The following MALRD1 variants were observed in gnomAD, a reference collection of about 807,000 sequenced individuals.
MALRD1 encodes the protein MAM and LDL-receptor class A domain-containing protein 1.
Under a neutral mutation model 242.1 loss-of-function variants are expected in MALRD1, and 247 were observed. The observed-to-expected ratio is 1.02, with a 90% confidence interval of 0.92 to 1.13. The LOEUF is 1.13. Ranked by LOEUF, MALRD1 falls within the 50% of genes most tolerant of loss-of-function variation. The pLI is 0.00. For synonymous variants in MALRD1, 995 were observed against 866.6 expected (o/e 1.15, Z -2.60); for missense variants, 2,989 against 2,533.1 (o/e 1.18, Z -3.86).
Position 19,284,068 on chromosome 10 carries a change from C to G in MALRD1, c.3419+887C>G, listed in dbSNP as rs75389728. Among the ~76,000 whole-genome samples, 90 of 152,256 alleles carry G rather than the reference C, an allele frequency of 5.9e-4. 1 individual carries two copies. In the East Asian group the frequency reaches 0.017, roughly 29 times the overall value. On this transcript the variant is annotated intron_variant, in intron 21 of 39. Transcript: ENST00000454679. ...GGAACACAAAGGGAAAGGCCCTGAG[C>G]CAGGACCATACAGGAAGACCAGCAT... is the stretch of plus-strand genomic sequence containing the variant.
chr10:19,678,475 ATTG>A (rs1314001359), intron 36 of MALRD1, among the ~76,000 whole-genome samples: 1 of 151,864 alleles, frequency 6.6e-6, no homozygotes, highest in Admixed American at 6.6e-5. Flanking sequence ...CTGCTCGTAT[ATTG>A]TTGTTGTATA....
At chr10:19,062,173 C>A (rs1834842082) in intron 1 of MALRD1, among the ~76,000 whole-genome samples, 2 of 152,080 alleles carry the variant, frequency 1.3e-5, no homozygotes, top group South Asian at 4.2e-4. Flanking sequence ...AAAAAATACT[C>A]AACATTGTTC....
intron 1 of MALRD1, among the ~76,000 whole-genome samples, chr10:19,054,640 A>G (rs760435108): frequency 2.2e-4 from 33 of 152,088 alleles, no homozygotes; most frequent in Non-Finnish European, 4.6e-4. Flanking sequence ...TTCCACATGT[A>G]GTGAGATTGT....
intron 35 of MALRD1, 146 bp downstream of exon 35, chr10:19,608,048 G>T: frequency 7.1e-6 from 8 of 1,122,524 alleles, no homozygotes; most frequent in Non-Finnish European, 9.8e-6. Flanking sequence ...CAGAAAGAAT[G>T]TTGACATTAA....
intron 26 of MALRD1, among the ~76,000 whole-genome samples, chr10:19,362,731 C>A (rs1164850087): frequency 6.6e-6 from 1 of 152,064 alleles, no homozygotes; most frequent in Admixed American, 6.6e-5. Context: ...GTGATGGGAT[C>A]TGACTTATAT....
chr10:19,419,240 C>T (rs1312727275), intron 28 of MALRD1, among the ~76,000 whole-genome samples: 2 of 151,974 alleles, frequency 1.3e-5, no homozygotes, highest in Non-Finnish European at 2.9e-5. Flanking sequence ...TCCTTATTCT[C>T]ATTCTCCTTC....
intron 18 of MALRD1, among the ~76,000 whole-genome samples, chr10:19,256,543 T>C (rs1839521543): frequency 6.6e-6 from 1 of 152,086 alleles, no homozygotes; most frequent in Admixed American, 6.6e-5. Flanking sequence ...CACCATTAAA[T>C]GTTGTTCAAA....
At chr10:19,168,852 A>C (rs1834805271) in intron 13 of MALRD1, among the ~76,000 whole-genome samples, 1 of 152,082 alleles carries the variant, frequency 6.6e-6, no homozygotes, top group South Asian at 2.1e-4. Flanking sequence ...CCTCGGTCAC[A>C]TTGAATTCAC....
At chr10:19,510,405 T>C (rs1338598892) in intron 31 of MALRD1, among the ~76,000 whole-genome samples, 1 of 152,200 alleles carries the variant, frequency 6.6e-6, no homozygotes, top group Non-Finnish European at 1.5e-5. Flanking sequence ...TATTTCAGAC[T>C]ATCACATGGG....
intron 33 of MALRD1, among the ~76,000 whole-genome samples, chr10:19,594,460 A>G (rs779319152): frequency 1.3e-5 from 2 of 152,174 alleles, no homozygotes; most frequent in African/African-American, 4.8e-5. Flanking sequence ...TTGAACTACC[A>G]TTTGATTCAG....
intron 28 of MALRD1, among the ~76,000 whole-genome samples, chr10:19,434,035 A>G (rs1194657849): frequency 6.6e-6 from 1 of 152,180 alleles, no homozygotes; most frequent in Non-Finnish European, 1.5e-5. Flanking sequence ...CTGGTATGGT[A>G]AAAACGAAAA....
intron 28 of MALRD1, among the ~76,000 whole-genome samples, chr10:19,402,183 C>G (rs1846885861): frequency 6.6e-6 from 1 of 152,126 alleles, no homozygotes; most frequent in South Asian, 2.1e-4. Context: ...GGCCATCGTT[C>G]TTTATCTTTT....
At chr10:19,279,990 AG>A in intron 19 of MALRD1, 56 bp from the exon 20 acceptor site, 4 of 1,330,042 alleles carry the variant, frequency 3.0e-6, no homozygotes, top group South Asian at 1.7e-5. Flanking sequence ...AAATCTCTAA[AG>A]CAGTAGAAAA....
chr10:19,511,141 A>G (rs935273543), intron 31 of MALRD1, among the ~76,000 whole-genome samples: 3 of 152,196 alleles, frequency 2.0e-5, no homozygotes, highest in Non-Finnish European at 4.4e-5. Flanking sequence ...GGAGTGTTCT[A>G]CCCAAAGATG....
chr10:19,292,892 C>CAAAAAA (rs57002523), intron 21 of MALRD1, among the ~76,000 whole-genome samples: 6 of 72,850 alleles, frequency 8.2e-5, no homozygotes, highest in Admixed American at 1.8e-4. Flanking sequence ...GACTCTGCCT[C>CAAAAAA]AAAAAAAAAA....
intron 20 of MALRD1, among the ~76,000 whole-genome samples, chr10:19,282,397 A>T (rs904123835): frequency 1.3e-5 from 2 of 152,220 alleles, no homozygotes; most frequent in African/African-American, 4.8e-5. Flanking sequence ...AGTATACACA[A>T]GAATTTCATT....
intron 2 of MALRD1, among the ~76,000 whole-genome samples, chr10:19,076,050 T>C (rs1045232492): frequency 6.6e-6 from 1 of 151,930 alleles, no homozygotes; most frequent in Non-Finnish European, 1.5e-5. Context: ...TGGGGGAAAA[T>C]CCCTGGGCTT....
chr10:19,059,102 G>C (rs1236123936), intron 1 of MALRD1, among the ~76,000 whole-genome samples: 1 of 152,038 alleles, frequency 6.6e-6, no homozygotes, highest in East Asian at 1.9e-4. Flanking sequence ...TATGATATTA[G>C]GTTAATGTTT....
chr10:19,616,051 A>G, intron 36 of MALRD1, 128 bp downstream of exon 36: 1 of 607,990 alleles, frequency 1.6e-6, no homozygotes, highest in South Asian at 2.4e-5. Context: ...GGATAATGGT[A>G]CTATTTACAT....
Sources: gnomAD v4.1 joint callset for allele counts (sites outside exome capture counted in the v4.1 genomes callset) on GRCh38, gnomAD v4.1.1 for gene constraint, MANE v1.5 for transcripts, NCBI Gene and HGNC (gene_info 2026-07-23, HGNC 2026-07-21) for gene names.